Variants in LONRF1 observed in about 807,000 individuals in gnomAD.
LONRF1 encodes LON peptidase N-terminal domain and RING finger protein 1.
A neutral mutation model predicts 85.8 loss-of-function variants in LONRF1; 37 were observed. That is an observed-to-expected ratio of 0.43 (90% confidence interval 0.33 to 0.57). The LOEUF (loss-of-function observed/expected upper bound fraction) is 0.57. Ranked by LOEUF, LONRF1 falls within the 20% of genes least tolerant of loss-of-function variation. LONRF1 has a pLI of 0.04. For synonymous variants in LONRF1, 517 were observed against 390.1 expected, an observed-to-expected ratio of 1.33 and a Z score of -3.83; for missense variants, 1,036 against 978.0, an observed-to-expected ratio of 1.06 and a Z score of -0.79.
intron 10 of LONRF1, among the ~76,000 whole-genome samples, chr8:12,728,584 A>G (rs75718800): frequency 0.071 from 10,774 of 152,288 alleles, 500 homozygotes; most frequent in South Asian, 0.18. Flanking sequence ...AACTTATTCA[A>G]CCACTATTGT....
In LONRF1 at chr8:12,737,977, C is replaced by T; in HGVS notation, c.1113+18G>A. 6.3e-7 allele frequency: 1 copy of T among 1,590,564 alleles called. No individual in the cohort carries two copies. Among genetic ancestry groups the T allele is most frequent in the South Asian group, 1.2e-5 (1 of 84,008 alleles). On this transcript the variant is annotated intron_variant, in intron 4 of 11. Transcript: ENST00000398246. Reference sequence around the variant, plus strand: ...AATGGATACGCTAAACTCATGATAACCTTGTCTCACCCCGTACCTGCTTTG... The same window carrying T: ...AATGGATACGCTAAACTCATGATAATCTTGTCTCACCCCGTACCTGCTTTG...
In LONRF1 at chr8:12,723,044, C is replaced by A; in HGVS notation, c.*52G>T. 1 of 1,475,240 alleles carries A rather than the reference C, an allele frequency of 6.8e-7. No individual in the cohort carries two copies. The highest frequency in any genetic ancestry group is 9.1e-7 in the Non-Finnish European group (1 of 1,098,982). The allele number at this position is 1,475,240 out of a possible 1,614,324, so 91.4% of individuals were successfully genotyped here. ...TGTGCAAAGGCAGCAGACAATCTGGCCATCAATGCAGCCAGATTAGGGTCA... is the reference window on the plus strand; with the variant it reads ...TGTGCAAAGGCAGCAGACAATCTGGACATCAATGCAGCCAGATTAGGGTCA... On this transcript the variant is annotated 3_prime_UTR_variant, in exon 12 of 12. Transcript: ENST00000398246.
intron 8 of LONRF1, among the ~76,000 whole-genome samples, chr8:12,730,490 A>T (rs1798487040): frequency 2.0e-5 from 3 of 152,202 alleles, no homozygotes; most frequent in Non-Finnish European, 4.4e-5. Flanking sequence ...TTTAAGAAAC[A>T]GCCCCATTAG....
chr8:12,731,851 C>A lies in LONRF1; in HGVS notation c.1573G>T (p.Ala525Ser). Reference protein sequence around the residue: ...LCKESLKEYLADRRYCVTQLL... With the variant: ...LCKESLKEYLSDRRYCVTQLL... ...TGTGTGACACAGTACCTCCTATCTG[C>A]TAGATACTAAAAGACAATATTATTT... The change falls in exon 8 of 12, where the codon GCA (alanine) becomes TCA (serine). Residue 525 changes from alanine to serine, a missense_variant. Physicochemically the swap from Ala to Ser is moderately conservative, Grantham distance 99. Around this residue, in one of 3 missense-constraint regions of LONRF1, gnomAD observed 265 missense variants for 301.5 expected, o/e 0.88. Transcript: ENST00000398246. 6.2e-7 allele frequency: 1 copy of A among 1,609,984 alleles called. No homozygotes were observed. Among genetic ancestry groups the A allele is most frequent in the Non-Finnish European group, 8.5e-7 (1 of 1,178,270 alleles).
chr8:12,729,612 T>C (rs1264221828), intron 8 of LONRF1, among the ~76,000 whole-genome samples: 3 of 152,152 alleles, frequency 2.0e-5, no homozygotes, highest in African/African-American at 7.2e-5. Flanking sequence ...CAGAGCTAAG[T>C]ATGTTTATGA....
Position 12,723,178 on chromosome 8 carries a change from A to G in LONRF1, c.2240T>C (p.Val747Ala). 1.2e-6 allele frequency: 2 copies of G among 1,614,130 alleles called. No individual in the cohort carries two copies. Among genetic ancestry groups the G allele is most frequent in the Non-Finnish European group, 1.7e-6 (2 of 1,180,014 alleles). ...TTCTTTCAAAGACTTCATTGACAAA[A>G]CCGACAGCTGGTATCGTGGGTCTAC... is the stretch of plus-strand genomic sequence containing the variant. ...LPVDPRYQLS[V>A]LSMKSLKERL... The change falls in exon 12 of 12, where the codon GTT becomes GCT. Residue 747 changes from valine (V) to alanine (A), a missense_variant. Around this residue, in one of 3 missense-constraint regions of LONRF1, gnomAD observed 265 missense variants for 301.5 expected, o/e 0.88. Coordinates refer to ENST00000398246, the MANE Select transcript of LONRF1 (RefSeq NM_152271.5).
chr8:12,738,276 A>G (rs978849865), intron 3 of LONRF1, 132 bp from the exon 4 acceptor site: 27 of 601,230 alleles, frequency 4.5e-5, no homozygotes, highest in Non-Finnish European at 7.0e-5. Context: ...GGAGGGGAAC[A>G]AGGTAAGCAA....
intron 1 of LONRF1, among the ~76,000 whole-genome samples, chr8:12,745,308 G>T (rs1379685693): frequency 3.6e-4 from 42 of 117,354 alleles, no homozygotes; most frequent in East Asian, 2.8e-4. Flanking sequence ...TATTTTGAAT[G>T]ATTATTTTTT....
intron 7 of LONRF1, 83 bp from the exon 8 acceptor site, chr8:12,731,940 G>T: frequency 7.9e-7 from 1 of 1,270,790 alleles, no homozygotes; most frequent in Non-Finnish European, 1.1e-6. Flanking sequence ...ATATATTAAA[G>T]CCTTTATTAC....
intron 10 of LONRF1, 91 bp from the exon 11 acceptor site, chr8:12,725,970 A>G: frequency 1.7e-6 from 2 of 1,192,528 alleles, no homozygotes; most frequent in Non-Finnish European, 2.4e-6. Context: ...AGGGATCAGA[A>G]GAACAGGGCA....
Position 12,754,987 on chromosome 8 carries a change from C to G in LONRF1, c.434G>C (p.Arg145Pro). 6.7e-7 allele frequency: 1 copy of G among 1,491,276 alleles called. No individual in the cohort carries two copies. Among genetic ancestry groups the G allele is most frequent in the South Asian group, 1.3e-5 (1 of 79,682 alleles). The allele number at this position is 1,491,276 out of a possible 1,614,324, so 92.4% of individuals were successfully genotyped here. A position where few individuals can be genotyped will look rare whatever the true frequency, so the allele number is the denominator to read the frequency against. Residue 145 changes from arginine (R) to proline (P), a missense_variant, in exon 1 of 12, where the codon CGC becomes CCC. Arg to Pro is a moderately radical substitution (Grantham distance 103). Around this residue, in one of 3 missense-constraint regions of LONRF1, gnomAD observed 742 missense variants for 614.4 expected, o/e 1.21. Coordinates refer to ENST00000398246, the MANE Select transcript of LONRF1 (RefSeq NM_152271.5). ...TVPCGHSYCR[R>P]CLRRELRARC... ...GGCGCGGAGTTCCCTCCGCAGGCAGCGGCGGCAGTAGCTGTGGCCACAGGG... is the reference window on the plus strand; with the variant it reads ...GGCGCGGAGTTCCCTCCGCAGGCAGGGGCGGCAGTAGCTGTGGCCACAGGG...
Position 12,735,316 on chromosome 8 carries a change from A to G in LONRF1, c.1536T>C (p.Tyr512=), listed in dbSNP as rs1317909807. Residue 512 remains tyrosine (Y), a synonymous_variant, in exon 7 of 12, where the codon TAT becomes TAC. Coordinates refer to ENST00000398246, the MANE Select transcript of LONRF1 (RefSeq NM_152271.5). The part of the protein sequence containing the change: ...CLERCLDHAP[Y]CPLCKESLKE... ...TTAAGCTTTCTTTGCAAAGAGGACA[A>G]TATGGTGCATGATCTAAACAACGCT... 2 of 1,606,760 alleles carry G rather than the reference A, an allele frequency of 1.2e-6. No homozygotes were observed. Among genetic ancestry groups the G allele is most frequent in the South Asian group, 2.2e-5 (2 of 90,140 alleles).
Position 12,723,203 on chromosome 8 carries a change from C to T in LONRF1, c.2215G>A (p.Val739Ile). The change falls in exon 12 of 12, where the codon GTA becomes ATA. Residue 739 changes from valine (V) to isoleucine (I), a missense_variant. Physicochemically the swap from Val to Ile is conservative, Grantham distance 29. Around this residue, in one of 3 missense-constraint regions of LONRF1, gnomAD observed 265 missense variants for 301.5 expected, o/e 0.88. Transcript: ENST00000398246. ...WCWWLLAVLPVDPRYQLSVLS... is the reference protein window; with the variant it reads ...WCWWLLAVLPIDPRYQLSVLS... Reference sequence around the variant, plus strand: ...ACCGACAGCTGGTATCGTGGGTCTACAGGGAGAACTGCAAGAAGCCACCAA... The same window carrying T: ...ACCGACAGCTGGTATCGTGGGTCTATAGGGAGAACTGCAAGAAGCCACCAA... 1 of 1,614,070 alleles carries T rather than the reference C, an allele frequency of 6.2e-7. No individual in the cohort carries two copies. Among genetic ancestry groups the T allele is most frequent in the African/African-American group, 1.3e-5 (1 of 75,024 alleles).
intron 10 of LONRF1, chr8:12,727,283 G>C (rs1798349954): frequency 6.9e-6 from 1 of 145,946 alleles, no homozygotes. Flanking sequence ...GTCTCTGCCT[G>C]CTTTTTGGCC....
intron 7 of LONRF1, among the ~76,000 whole-genome samples, chr8:12,732,502 C>G (rs934180062): frequency 6.6e-6 from 1 of 152,090 alleles, no homozygotes; most frequent in Non-Finnish European, 1.5e-5. Context: ...CTTACATTTG[C>G]GCTGACCCCT....
chr8:12,728,815 T>G lies in LONRF1; in HGVS notation c.2010+86A>C, dbSNP rs7820783. 1.1e-3 allele frequency: 1,678 copies of G among 1,472,248 alleles called. 18 individuals carry two copies. The African/African-American group carries it at 0.021, about 18-fold the overall frequency. The allele number at this position is 1,472,248 out of a possible 1,614,324, so 91.2% of individuals were successfully genotyped here. ...AGGCTGTCTGATAAGAACTGGTTCA[T>G]GCACCTAGAAAATAGCCTGCATGCC... On this transcript the variant is annotated intron_variant, in intron 10 of 11. Transcript: ENST00000398246.
Position 12,736,961 on chromosome 8 carries a change from A to T in LONRF1, c.1293T>A (p.Ser431=). The T allele has an allele frequency of 6.2e-7, 1 of 1,613,524 alleles. No individual in the cohort carries two copies. The highest frequency in any genetic ancestry group is 8.5e-7 in the Non-Finnish European group (1 of 1,179,678). ...TTACAATCACATCCTGTTCTAAAAG[A>T]GACAACTTTCTTTTCAGCAGAACAC... The part of the protein sequence containing the change: ...EKGVLLKRKL[S]LLEQDVIVNE... The change falls in exon 5 of 12, where the codon TCT becomes TCA. Residue 431 remains serine, a synonymous_variant. Coordinates refer to ENST00000398246, the MANE Select transcript of LONRF1 (RefSeq NM_152271.5).
intron 3 of LONRF1, among the ~76,000 whole-genome samples, chr8:12,740,626 T>C (rs989947993): frequency 1.6e-4 from 24 of 152,200 alleles, no homozygotes; most frequent in African/African-American, 5.8e-4. Flanking sequence ...CTGGCTCAGA[T>C]TGAACAAACT....
chr8:12,738,174 A>C, intron 3 of LONRF1, 30 bp from the exon 4 acceptor site: 1 of 1,351,310 alleles, frequency 7.4e-7, no homozygotes, highest in East Asian at 2.6e-5. Context: ...AGTAGTAGAA[A>C]ATATAAAATA....
Sources: gnomAD v4.1 joint callset for allele counts (sites outside exome capture counted in the v4.1 genomes callset) on GRCh38, gnomAD v4.1.1 for gene constraint, gnomAD v4.1.1 regional missense constraint, MANE v1.5 for transcripts, NCBI Gene and HGNC (gene_info 2026-07-23, HGNC 2026-07-21) for gene names.